The following DLG1 variants were observed in gnomAD, a reference collection of about 807,000 sequenced individuals.
The protein encoded by DLG1 is disks large homolog 1.
In DLG1, 42 loss-of-function variants were observed where a neutral mutation model predicts 123.4. That is an observed-to-expected ratio of 0.34 (90% confidence interval 0.27 to 0.44). DLG1 has a LOEUF of 0.44. DLG1 is among the 20% of genes least tolerant of loss of function. The pLI is 1.00. For missense variants in DLG1, 942 were observed against 1,082.6 expected, an observed-to-expected ratio of 0.87 and a Z score of 1.82; for synonymous variants, 317 against 356.2, an observed-to-expected ratio of 0.89 and a Z score of 1.24.
chr3:197,082,373 C>A (rs6767781), intron 16 of DLG1, among the ~76,000 whole-genome samples: 3 of 151,404 alleles, frequency 2.0e-5, no homozygotes, highest in Admixed American at 1.3e-4. Flanking sequence ...CCGTCCCCCA[C>A]CCCAAACAAA....
intron 5 of DLG1, chr3:197,161,629 C>A (rs1798806519): frequency 5.0e-6 from 7 of 1,395,262 alleles, no homozygotes; most frequent in African/African-American, 4.5e-5. Context: ...AAAAAAGAAA[C>A]TAATAAAAAC....
chr3:197,221,615 C>G (rs369649005), intron 4 of DLG1, among the ~76,000 whole-genome samples: 1 of 152,068 alleles, frequency 6.6e-6, no homozygotes, highest in East Asian at 1.9e-4. Context: ...ATTTTACCAA[C>G]TAGATGTGTG....
Position 197,065,763 on chromosome 3 carries a change from C to T in DLG1, c.2145G>A (p.Arg715=). Residue 715 remains arginine, a synonymous_variant, in exon 21 of 25, where the codon AGG becomes AGA. Transcript: ENST00000667157. ...ATTCTGAGATCAAGTCATCATTTAT[C>T]CTGTCTTTCATAGGTCCCAATATGA... is the stretch of plus-strand genomic sequence containing the variant. ...PVIILGPMKD[R]INDDLISEFP... The T allele has an allele frequency of 6.2e-7, 1 of 1,612,488 alleles. No homozygotes were observed. The highest frequency in any genetic ancestry group is 8.5e-7 in the Non-Finnish European group (1 of 1,179,074).
chr3:197,295,148 G>A (rs1163122007), intron 3 of DLG1, among the ~76,000 whole-genome samples: 3 of 152,120 alleles, frequency 2.0e-5, no homozygotes, highest in Non-Finnish European at 4.4e-5. Context: ...TTCTGGAGCT[G>A]GGTAACAGTT....
chr3:197,142,357 A>C (rs1194882068), intron 7 of DLG1, among the ~76,000 whole-genome samples: 1 of 152,192 alleles, frequency 6.6e-6, no homozygotes, highest in Non-Finnish European at 1.5e-5. Flanking sequence ...AAGTAAGGAA[A>C]TAGAGACTTC....
chr3:197,267,156 G>A (rs955153859), intron 4 of DLG1, among the ~76,000 whole-genome samples: 1 of 151,886 alleles, frequency 6.6e-6, no homozygotes, highest in Non-Finnish European at 1.5e-5. Context: ...GTAAATACAT[G>A]GATATTTATA....
intron 15 of DLG1, among the ~76,000 whole-genome samples, chr3:197,089,314 G>C (rs933395508): frequency 6.6e-6 from 1 of 152,138 alleles, no homozygotes; most frequent in Non-Finnish European, 1.5e-5. Context: ...GGCCCATGAA[G>C]TCAGGAGATC....
At chr3:197,159,528 T>C (rs1422918088) in intron 5 of DLG1, among the ~76,000 whole-genome samples, 1 of 152,194 alleles carries the variant, frequency 6.6e-6, no homozygotes, top group African/African-American at 2.4e-5. Flanking sequence ...TTATTTCTAA[T>C]ACATCCTAAC....
chr3:197,045,805 C>T (rs1399429012), intron 24 of DLG1, among the ~76,000 whole-genome samples: 1 of 152,046 alleles, frequency 6.6e-6, no homozygotes, highest in Non-Finnish European at 1.5e-5. Flanking sequence ...TTAAATAAGT[C>T]ACTTACTAAA....
chr3:197,287,546 G>C (rs1166075895), intron 3 of DLG1, among the ~76,000 whole-genome samples: 1 of 152,054 alleles, frequency 6.6e-6, no homozygotes, highest in Non-Finnish European at 1.5e-5. Context: ...AAGTTTAAAA[G>C]CAAGTAACAC....
At chr3:197,251,856 T>C (rs1406402986) in intron 4 of DLG1, among the ~76,000 whole-genome samples, 3 of 152,162 alleles carry the variant, frequency 2.0e-5, no homozygotes, top group African/African-American at 7.2e-5. Context: ...AATGGGCACA[T>C]TTAAAATGGG....
chr3:197,260,043 A>G (rs1225673148), intron 4 of DLG1, among the ~76,000 whole-genome samples: 1 of 152,194 alleles, frequency 6.6e-6, no homozygotes, highest in East Asian at 1.9e-4. Flanking sequence ...TGTAAATCTC[A>G]GGGAAAAAAC....
chr3:197,196,735 C>T (rs1223699873), intron 4 of DLG1, among the ~76,000 whole-genome samples: 1 of 152,154 alleles, frequency 6.6e-6, no homozygotes, highest in East Asian at 1.9e-4. Context: ...AAATCTACAT[C>T]TTCTAATAGG....
At chr3:197,144,903 AACTCCTGG>A (rs1789933927) in intron 6 of DLG1, among the ~76,000 whole-genome samples, 1 of 152,114 alleles carries the variant, frequency 6.6e-6, no homozygotes, top group African/African-American at 2.4e-5. Context: ...TGCAGCCTCA[AACTCCTGG>A]ACTCAAGTGA....
chr3:197,044,831 C>A, intron 24 of DLG1, 102 bp from the exon 25 acceptor site: 1 of 625,528 alleles, frequency 1.6e-6, no homozygotes, highest in Non-Finnish European at 2.5e-6. Flanking sequence ...GAAAAAGTTA[C>A]TCATCCAGGA....
chr3:197,277,911 A>G (rs1313269260), intron 4 of DLG1, among the ~76,000 whole-genome samples: 1 of 151,934 alleles, frequency 6.6e-6, no homozygotes, highest in Non-Finnish European at 1.5e-5. Flanking sequence ...AGGTGGGAGG[A>G]CTGCTGGAGA....
chr3:197,156,651 G>C (rs1292357318), intron 5 of DLG1, among the ~76,000 whole-genome samples: 1 of 151,968 alleles, frequency 6.6e-6, no homozygotes, highest in Non-Finnish European at 1.5e-5. Flanking sequence ...GAGCAGGAGT[G>C]GCTGTACTCA....
At chr3:197,082,940 G>A (rs575990509) in intron 16 of DLG1, among the ~76,000 whole-genome samples, 3 of 152,252 alleles carry the variant, frequency 2.0e-5, no homozygotes, top group African/African-American at 7.2e-5. Flanking sequence ...CCTTTGTAAG[G>A]TATGAGACTC....
chr3:197,076,527 C>T, intron 18 of DLG1, 59 bp downstream of exon 18: 1 of 1,343,130 alleles, frequency 7.4e-7, no homozygotes, highest in African/African-American at 1.5e-5. Context: ...CAACCAACTG[C>T]AGGGCAGTAG....
Sources: gnomAD v4.1 joint callset for allele counts (sites outside exome capture counted in the v4.1 genomes callset) on GRCh38, gnomAD v4.1.1 for gene constraint, MANE v1.5 for transcripts, NCBI Gene and HGNC (gene_info 2026-07-23, HGNC 2026-07-21) for gene names.